Variants in SCLT1 observed in about 807,000 individuals in gnomAD.
The protein encoded by SCLT1 is sodium channel-associated protein 1.
In SCLT1, 78 loss-of-function variants were observed where a neutral mutation model predicts 112.8. The observed-to-expected ratio is 0.69, with a 90% CI of 0.58 to 0.83. The LOEUF is 0.83. SCLT1 is among the 40% of genes least tolerant of loss of function. SCLT1 has a pLI of 0.00. For missense variants in SCLT1, 747 were observed against 770.4 expected, an observed-to-expected ratio of 0.97 and a Z score of 0.36; for synonymous variants, 257 against 254.7, an observed-to-expected ratio of 1.01 and a Z score of -0.09.
chr4:128,932,418 A>AT (rs1246418182), intron 18 of SCLT1, among the ~76,000 whole-genome samples: 2 of 152,084 alleles, frequency 1.3e-5, no homozygotes, highest in Admixed American at 6.6e-5. Context: ...TCATTCTTTG[A>AT]TTTTTTTCTA....
intron 10 of SCLT1, among the ~76,000 whole-genome samples, chr4:128,967,707 C>A (rs1253454339): frequency 6.6e-6 from 1 of 151,238 alleles, no homozygotes; most frequent in African/African-American, 2.4e-5. Context: ...TTTTTTTTCT[C>A]TTGTAAATTT....
intron 18 of SCLT1, among the ~76,000 whole-genome samples, chr4:128,926,993 A>G (rs1736350737): frequency 6.6e-6 from 1 of 152,102 alleles, no homozygotes; most frequent in Admixed American, 6.5e-5. Flanking sequence ...AATGATTAAA[A>G]AAAACCAAAT....
At chr4:128,898,289 C>T (rs1199505355) in intron 18 of SCLT1, among the ~76,000 whole-genome samples, 1 of 152,158 alleles carries the variant, frequency 6.6e-6, no homozygotes, top group African/African-American at 2.4e-5. Flanking sequence ...CACTCCTCAG[C>T]AAATGTAAAA....
At chr4:129,039,986 A>G in intron 4 of SCLT1, 1 of 548,296 alleles carries the variant, frequency 1.8e-6, no homozygotes, top group Non-Finnish European at 3.3e-6. Context: ...AACGGTAACT[A>G]ATTCATGATT....
At chr4:129,037,471 A>G (rs1353692416) in intron 5 of SCLT1, 2 of 152,190 alleles carry the variant, frequency 1.3e-5, no homozygotes, top group Non-Finnish European at 2.9e-5. Context: ...TGGATAGACA[A>G]AAATGTCTCT....
At chr4:128,876,306 G>T (rs1312387684) in intron 4 of SCLT1, among the ~76,000 whole-genome samples, 1 of 152,178 alleles carries the variant, frequency 6.6e-6, no homozygotes, top group African/African-American at 2.4e-5. Flanking sequence ...CTTGCTCTGA[G>T]TAAGACCCCT....
At chr4:128,899,664 G>T (rs1319877141) in intron 18 of SCLT1, among the ~76,000 whole-genome samples, 1 of 152,178 alleles carries the variant, frequency 6.6e-6, no homozygotes, top group Non-Finnish European at 1.5e-5. Context: ...AGTGTTGGAA[G>T]TTCTGGCCAG....
At chr4:128,986,436 G>A (rs1742100106) in intron 9 of SCLT1, among the ~76,000 whole-genome samples, 1 of 152,182 alleles carries the variant, frequency 6.6e-6, no homozygotes, top group African/African-American at 2.4e-5. Flanking sequence ...AAGCCCTGGT[G>A]CTGCACTGGT....
intron 2 of SCLT1, among the ~76,000 whole-genome samples, chr4:129,062,338 G>T (rs1318168363): frequency 1.3e-5 from 2 of 152,054 alleles, no homozygotes; most frequent in African/African-American, 4.8e-5. Context: ...GGCTATCTTT[G>T]TGAGGGGAAC....
At chr4:128,917,022 A>T (rs1735530804) in intron 18 of SCLT1, among the ~76,000 whole-genome samples, 2 of 152,112 alleles carry the variant, frequency 1.3e-5, no homozygotes, top group African/African-American at 4.8e-5. Context: ...CAACCAACCA[A>T]ACCAGAAACA....
At chr4:128,895,402 G>T (rs564087788) in intron 18 of SCLT1, among the ~76,000 whole-genome samples, 2 of 152,250 alleles carry the variant, frequency 1.3e-5, no homozygotes, top group Admixed American at 1.3e-4. Context: ...ATCCCCAAAA[G>T]GAACCTTCCA....
intron 5 of SCLT1, among the ~76,000 whole-genome samples, chr4:129,019,083 A>G (rs1745227210): frequency 6.6e-6 from 1 of 152,130 alleles, no homozygotes; most frequent in Non-Finnish European, 1.5e-5. Flanking sequence ...AGATTTAAAG[A>G]GCACTTACTA....
chr4:128,949,482 A>G (rs1415863110), intron 14 of SCLT1, among the ~76,000 whole-genome samples: 1 of 151,374 alleles, frequency 6.6e-6, no homozygotes, highest in African/African-American at 2.4e-5. Context: ...GCACCCATTA[A>G]CTCATCATTT....
At position 128,965,261 on chromosome 4, in the gene SCLT1, G is replaced by T. The variant is rs761587647; in HGVS notation, c.835C>A (p.Gln279Lys). ...AATTGTTTTATACTAGACTGTAACT[G>T]CTGTAAACGCCTATCTGATGCTTCC... ...REEASDRRLQ[Q>K]LQSSIKQLEI... Residue 279 changes from glutamine (Q) to lysine (K), a missense_variant, in exon 11 of 21, where the codon CAG (glutamine) becomes AAG (lysine). Coordinates refer to ENST00000281142, the MANE Select transcript of SCLT1 (RefSeq NM_144643.4). 2.5e-6 allele frequency: 4 copies of T among 1,606,882 alleles called. No individual in the cohort carries two copies. Among genetic ancestry groups the T allele is most frequent in the Admixed American group, 1.7e-5 (1 of 59,926 alleles).
At chr4:128,939,303 G>C (rs776472963) in intron 17 of SCLT1, among the ~76,000 whole-genome samples, 3 of 152,104 alleles carry the variant, frequency 2.0e-5, no homozygotes, top group Non-Finnish European at 4.4e-5. Context: ...TTGGAACACA[G>C]TACGGTTGTC....
intron 20 of SCLT1, 40 bp downstream of exon 20, chr4:128,888,639 T>C: frequency 2.5e-6 from 3 of 1,188,712 alleles, no homozygotes; most frequent in Non-Finnish European, 3.7e-6. Context: ...AACTTATCTT[T>C]GAACTGTTTA....
intron 5 of SCLT1, among the ~76,000 whole-genome samples, chr4:129,033,625 G>A (rs993702635): frequency 5.9e-5 from 9 of 151,414 alleles, no homozygotes; most frequent in Non-Finnish European, 1.0e-4. Flanking sequence ...TAGATAATGC[G>A]CTCAGGAATG....
intron 18 of SCLT1, among the ~76,000 whole-genome samples, chr4:128,931,684 G>A (rs559130542): frequency 5.9e-5 from 9 of 152,212 alleles, no homozygotes; most frequent in African/African-American, 9.6e-5. Flanking sequence ...GGATGGTCTC[G>A]ATCTCTTGAC....
intron 2 of SCLT1, among the ~76,000 whole-genome samples, chr4:129,057,992 AC>A (rs1171860649): frequency 6.6e-6 from 1 of 151,914 alleles, no homozygotes; most frequent in Non-Finnish European, 1.5e-5. Flanking sequence ...CAGGTGATCC[AC>A]CCACTTTGGC....
Sources: gnomAD v4.1 joint callset for allele counts (sites outside exome capture counted in the v4.1 genomes callset) on GRCh38, gnomAD v4.1.1 for gene constraint, MANE v1.5 for transcripts, NCBI Gene and HGNC (gene_info 2026-07-23, HGNC 2026-07-21) for gene names.